The following SPTA1 variants were observed in gnomAD, a reference collection of about 807,000 sequenced individuals.
The protein encoded by SPTA1 is spectrin alpha, erythrocytic 1, also known as spectrin alpha chain, erythrocytic 1.
SPTA1 carries 177 observed loss-of-function variants against 324.7 expected under a neutral mutation model. The observed-to-expected ratio is 0.55, with a 90% CI of 0.48 to 0.62. The LOEUF is 0.62. SPTA1 is among the 20% of genes least tolerant of loss of function. The pLI is 0.00. For synonymous variants in SPTA1, 1,195 were observed against 1,041.3 expected (o/e 1.15, Z -2.84); for missense variants, 3,162 against 2,883.6 (o/e 1.10, Z -2.21).
At chr1:158,684,101 A>G (rs1408851770) in intron 2 of SPTA1, among the ~76,000 whole-genome samples, 1 of 151,876 alleles carries the variant, frequency 6.6e-6, no homozygotes, top group Non-Finnish European at 1.5e-5. Flanking sequence ...GGAAGAAAAA[A>G]AAAAAACTCT....
Position 158,618,019 on chromosome 1 carries a change from T to C in SPTA1, c.6548+20A>G. On this transcript the variant is annotated intron_variant, in intron 46 of 51. Transcript: ENST00000643759. ...TAATAATATAATAAAGCAAACATGA[T>C]GATAACATAAAATACTGACCCATCC... 1.2e-6 allele frequency: 2 copies of C among 1,607,846 alleles called. No individual in the cohort carries two copies. Among genetic ancestry groups the C allele is most frequent in the Non-Finnish European group, 8.5e-7 (1 of 1,174,308 alleles).
At position 158,620,229 on chromosome 1, in the gene SPTA1, T is replaced by C. The variant is rs1424021167; in HGVS notation, c.6358A>G (p.Thr2120Ala). 1.9e-6 allele frequency: 3 copies of C among 1,614,134 alleles called. No individual in the cohort carries two copies. The highest frequency in any genetic ancestry group is 2.5e-6 in the Non-Finnish European group (3 of 1,180,020). ...TCCAGCACCTCCACTGTTAACCAGG[T>C]ATAAGGGCTGGAAGGCACACCTAAG... ...KALGVPSSPY[T>A]WLTVEVLERT... Residue 2120 changes from threonine (T) to alanine (A), a missense_variant, in exon 44 of 52, where the codon ACC becomes GCC. Physicochemically the swap from Thr to Ala is moderately conservative, Grantham distance 58. Transcript: ENST00000643759.
At chr1:158,647,469 A>G in intron 27 of SPTA1, 70 bp downstream of exon 27, 1 of 1,592,662 alleles carries the variant, frequency 6.3e-7, no homozygotes, top group Non-Finnish European at 8.6e-7. Context: ...AGTGAACAGC[A>G]TCTGTACCCA....
chr1:158,676,117 C>A (rs1654375102), intron 8 of SPTA1, 24 bp downstream of exon 8: 1 of 1,612,942 alleles, frequency 6.2e-7, no homozygotes. Flanking sequence ...ATAGGTAGAG[C>A]AATAAAGGGG....
intron 8 of SPTA1, among the ~76,000 whole-genome samples, chr1:158,675,643 ATAAC>A (rs1280567028): frequency 1.3e-5 from 2 of 152,334 alleles, no homozygotes; most frequent in Admixed American, 6.5e-5. Context: ...TTAACAAACA[ATAAC>A]TAATGATAAA....
intron 44 of SPTA1, 44 bp downstream of exon 44, chr1:158,620,126 T>C (rs777230227): frequency 1.2e-6 from 2 of 1,607,236 alleles, no homozygotes; most frequent in Non-Finnish European, 1.7e-6. Context: ...AAAGTGGTTA[T>C]GTTCACTGTA....
At position 158,681,631 on chromosome 1, in the gene SPTA1, G is replaced by A; in HGVS notation, c.427C>T (p.Leu143=). The A allele has an allele frequency of 1.2e-6, 2 of 1,613,766 alleles. No homozygotes were observed. The highest frequency in any genetic ancestry group is 1.3e-5 in the African/African-American group (1 of 74,986). The change falls in exon 4 of 52, where the codon CTG becomes TTG. Residue 143 remains leucine (L), a synonymous_variant. Transcript: ENST00000643759. ...CCCTTCTCCAGGGTCAGCTCTAACA[G>A]CAGGTCCCACAGGTGGCGTAGCTCC... The part of the protein sequence containing the change: ...IEELRHLWDL[L]LELTLEKGDQ...
chr1:158,621,935 G>T (rs1649938137), intron 43 of SPTA1, among the ~76,000 whole-genome samples: 1 of 152,168 alleles, frequency 6.6e-6, no homozygotes, highest in Non-Finnish European at 1.5e-5. Context: ...CGCGATCTGG[G>T]CTCACTGCAA....
intron 24 of SPTA1, 75 bp from the exon 25 acceptor site, chr1:158,650,022 A>G (rs991020872): frequency 4.3e-5 from 43 of 991,264 alleles, no homozygotes; most frequent in Non-Finnish European, 6.4e-5. Context: ...AAGACCAGAC[A>G]AGATTTAAAA....
chr1:158,635,078 C>T (rs959400785), intron 38 of SPTA1, among the ~76,000 whole-genome samples: 17 of 67,178 alleles, frequency 2.5e-4, no homozygotes, highest in Non-Finnish European at 2.7e-4. Flanking sequence ...TCCTTTTAGC[C>T]CCCCCCAGGA....
intron 22 of SPTA1, among the ~76,000 whole-genome samples, 153 bp downstream of exon 22, chr1:158,653,121 A>T (rs1443663862): frequency 6.6e-6 from 1 of 152,180 alleles, no homozygotes; most frequent in Non-Finnish European, 1.5e-5. Flanking sequence ...AAACCGAAAC[A>T]TTTAAAAGAT....
intron 35 of SPTA1, chr1:158,639,214 T>A: frequency 3.7e-6 from 1 of 272,402 alleles, no homozygotes; most frequent in Admixed American, 4.9e-5. Context: ...TCATTTCACA[T>A]GCCCCCATCT....
chr1:158,684,667 T>C (rs1655041931), intron 2 of SPTA1, among the ~76,000 whole-genome samples: 1 of 152,168 alleles, frequency 6.6e-6, no homozygotes, highest in Non-Finnish European at 1.5e-5. Flanking sequence ...TACATTACCA[T>C]AATATTTGTG....
Position 158,611,024 on chromosome 1 carries a change from T to C in SPTA1, c.*240A>G. On this transcript the variant is annotated 3_prime_UTR_variant, in exon 52 of 52. Coordinates refer to ENST00000643759, the MANE Select transcript of SPTA1 (RefSeq NM_003126.4). Reference sequence around the variant, plus strand: ...TTTGACACCCCTCAGCAGTGACTAGTTGCATACAAAATAGCTTCCACTCCT... The same window carrying C: ...TTTGACACCCCTCAGCAGTGACTAGCTGCATACAAAATAGCTTCCACTCCT... The C allele has an allele frequency of 1.9e-6, 1 of 522,986 alleles. No individual in the cohort carries two copies. Among genetic ancestry groups the C allele is most frequent in the South Asian group, 2.0e-5 (1 of 49,016 alleles). 32.4% of individuals were successfully genotyped at this position (522,986 alleles called of 1,614,324 possible).
intron 35 of SPTA1, chr1:158,639,332 T>C (rs1452969458): frequency 3.8e-6 from 2 of 530,052 alleles, no homozygotes; most frequent in African/African-American, 3.8e-5. Context: ...CAGTAAAAGA[T>C]AAAAAAGATA....
chr1:158,641,324 T>G (rs1441713200), intron 33 of SPTA1, among the ~76,000 whole-genome samples: 1 of 151,964 alleles, frequency 6.6e-6, no homozygotes, highest in African/African-American at 2.4e-5. Flanking sequence ...CTAATTAAAC[T>G]AAAGAGCTTC....
At chr1:158,626,377 C>G (rs766383393) in intron 41 of SPTA1, among the ~76,000 whole-genome samples, 155 bp from the exon 42 acceptor site, 2 of 152,016 alleles carry the variant, frequency 1.3e-5, no homozygotes, top group Non-Finnish European at 2.9e-5. Flanking sequence ...ACCAATGGAT[C>G]GTTTTTCTAC....
At chr1:158,681,399 T>C in intron 4 of SPTA1, 128 bp downstream of exon 4, 1 of 1,491,262 alleles carries the variant, frequency 6.7e-7, no homozygotes, top group Non-Finnish European at 9.3e-7. Context: ...AATTTCCTCT[T>C]GTTCCAAAGA....
At position 158,680,719 on chromosome 1, in the gene SPTA1, G is replaced by C; in HGVS notation, c.542C>G (p.Ala181Gly). ...GTCTTCACCTAGCTCCACTGATGTCGCTATAGCCTCCTGTAGACACAGAAG... is the reference window on the plus strand; with the variant it reads ...GTCTTCACCTAGCTCCACTGATGTCCCTATAGCCTCCTGTAGACACAGAAG... ...LEWIGDKEAI[A>G]TSVELGEDWE... Residue 181 changes from alanine to glycine, a missense_variant, in exon 5 of 52, where the codon GCG becomes GGG. Transcript: ENST00000643759. 6.2e-7 allele frequency: 1 copy of C among 1,613,596 alleles called. No individual in the cohort carries two copies.
Sources: allele counts gnomAD v4.1 joint callset (sites outside exome capture counted in the v4.1 genomes callset), GRCh38; gene constraint gnomAD v4.1.1; transcripts MANE v1.5; gene names NCBI Gene and HGNC (gene_info 2026-07-23, HGNC 2026-07-21).